The following SMARCC2 variants were observed in gnomAD, a reference collection of about 807,000 sequenced individuals.
SMARCC2 encodes the protein SWI/SNF complex subunit SMARCC2.
SMARCC2 carries 15 observed loss-of-function variants against 151.3 expected under a neutral mutation model. That is an observed-to-expected ratio of 0.10 (90% CI 0.07 to 0.15). The LOEUF (loss-of-function observed/expected upper bound fraction) is 0.15. SMARCC2 is among the 10% of genes least tolerant of loss of function. The pLI is 1.00. For synonymous variants in SMARCC2, 590 were observed against 609.5 expected (o/e 0.97, Z 0.47); for missense variants, 1,031 against 1,599.7 (o/e 0.64, Z 6.06).
rs532622741 is a variant in SMARCC2, at chr12:56,168,813, C to A, written c.2716-619G>T. ...GGGGCAACAGGGTGAAACCCCATCT[C>A]TGCTAAAAATACAAAAATTAACCGG... On this transcript the variant is annotated intron_variant, in intron 25 of 28. Coordinates refer to ENST00000550164, the MANE Select transcript of SMARCC2 (RefSeq NM_001330288.2). Among the ~76,000 whole-genome samples, 77 of 152,220 alleles carry A rather than the reference C, an allele frequency of 5.1e-4. 1 individual carries two copies. The highest frequency in any genetic ancestry group is 1.8e-3 in the East Asian group (9 of 5,126).
intron 26 of SMARCC2, among the ~76,000 whole-genome samples, 189 bp downstream of exon 26, chr12:56,167,871 T>C (rs1873100752): frequency 6.8e-6 from 1 of 146,238 alleles, no homozygotes; most frequent in African/African-American, 2.8e-5. Context: ...TTCCCCACTG[T>C]TGCTTATCTT....
At chr12:56,175,720 A>G (rs894090245) in intron 15 of SMARCC2, among the ~76,000 whole-genome samples, 1 of 152,184 alleles carries the variant, frequency 6.6e-6, no homozygotes, top group Non-Finnish European at 1.5e-5. Flanking sequence ...TGACTCCTCT[A>G]TACCCTATCT....
Position 56,168,210 on chromosome 12 carries a change from C to A in SMARCC2, c.2716-16G>T. ...CAGCCAAGTGCTAGGGAAGGAGGGG[C>A]GAGACAGCACATCAGTGGGAGGACC... On this transcript the variant is annotated splice_polypyrimidine_tract_variant and intron_variant, in intron 25 of 28. Transcript: ENST00000550164. 2 of 1,613,626 alleles carry A rather than the reference C, an allele frequency of 1.2e-6. No individual in the cohort carries two copies. The highest frequency in any genetic ancestry group is 1.7e-6 in the Non-Finnish European group (2 of 1,179,816).
intron 11 of SMARCC2, 91 bp downstream of exon 11, chr12:56,180,886 G>A: frequency 3.0e-6 from 4 of 1,322,786 alleles, no homozygotes; most frequent in Middle Eastern, 2.3e-4. Flanking sequence ...ACTGGGAGGT[G>A]GACCTGAGAA....
chr12:56,183,652 C>T, intron 7 of SMARCC2: 1 of 478,110 alleles, frequency 2.1e-6, no homozygotes, highest in Non-Finnish European at 3.8e-6. Context: ...ATAATCAATT[C>T]ACACATAAAG....
At chr12:56,169,222 G>A (rs1232553750) in intron 25 of SMARCC2, among the ~76,000 whole-genome samples, 2 of 152,152 alleles carry the variant, frequency 1.3e-5, no homozygotes, top group African/African-American at 2.4e-5. Context: ...TTGAACTTGG[G>A]AGGTGGAGGC....
intron 27 of SMARCC2, 34 bp downstream of exon 27, chr12:56,165,284 C>T: frequency 6.8e-7 from 1 of 1,467,032 alleles, no homozygotes; most frequent in Non-Finnish European, 9.0e-7. Flanking sequence ...CTGGATTCCT[C>T]TAGCCAACAA....
rs199945584 is a variant in SMARCC2, at chr12:56,178,369, A to C, written c.1310+35T>G. The stretch of plus-strand genomic sequence containing the variant: ...CCTGTTGACCCCTGGAGGCAGGGAA[A>C]TAAGGACTCAGTGAGAAGTTGGGGA... On this transcript the variant is annotated intron_variant, in intron 14 of 28. Coordinates refer to ENST00000550164, the MANE Select transcript of SMARCC2 (RefSeq NM_001330288.2). 29 of 1,613,294 alleles carry C rather than the reference A, an allele frequency of 1.8e-5. No individual in the cohort carries two copies. In the Middle Eastern group the frequency reaches 1.3e-3, roughly 73 times the overall value.
chr12:56,172,741 G>A lies in SMARCC2; in HGVS notation c.1744-37C>T, dbSNP rs557458525. ...GGGAAAGAAACAGGTGAGTACAAGT[G>A]ACCACCGGGAGCCAGGGGCTGACAG... On this transcript the variant is annotated intron_variant, in intron 18 of 28. Coordinates refer to ENST00000550164, the MANE Select transcript of SMARCC2 (RefSeq NM_001330288.2). 3.0e-5 allele frequency: 48 copies of A among 1,611,608 alleles called. 1 individual carries two copies. In the South Asian group the frequency reaches 4.4e-4, roughly 15 times the overall value.
In SMARCC2 at chr12:56,165,502, G is replaced by A; in HGVS notation, c.3048C>T (p.Gly1016=). Residue 1016 remains glycine (G), a synonymous_variant, in exon 27 of 29, where the codon GGC becomes GGT. Coordinates refer to ENST00000550164, the MANE Select transcript of SMARCC2 (RefSeq NM_001330288.2). The part of the protein sequence containing the change: ...TGAAGPPAVH[G]LAVAPASVVP... ...CTACAGAGGCTGGAGCCACAGCCAA[G>A]CCATGGACTGCGGGTGGCCCAGCAG... 4 of 1,592,470 alleles carry A rather than the reference G, an allele frequency of 2.5e-6. No homozygotes were observed. Among genetic ancestry groups the A allele is most frequent in the South Asian group, 1.1e-5 (1 of 87,984 alleles).
rs532383144 is a variant in SMARCC2, at chr12:56,173,680, T to C, written c.1650+16A>G. On this transcript the variant is annotated intron_variant, in intron 17 of 28. Transcript: ENST00000550164. The stretch of plus-strand genomic sequence containing the variant: ...ATCTTCCCAACCCGCCCCATCCCCA[T>C]AGCACCTCACCCTACCTGAGGTGTC... 88 of 1,337,258 alleles carry C rather than the reference T, an allele frequency of 6.6e-5. No homozygotes were observed. Among genetic ancestry groups the C allele is most frequent in the Non-Finnish European group, 7.8e-5 (74 of 952,790 alleles). The allele number at this position is 1,337,258 out of a possible 1,614,324, so 82.8% of individuals were successfully genotyped here.
chr12:56,165,575 G>GGCT lies in SMARCC2; in HGVS notation c.2972_2974dup (p.Gln991dup). The GGCT allele has an allele frequency of 6.2e-7, 1 of 1,613,580 alleles. No individual in the cohort carries two copies. The highest frequency in any genetic ancestry group is 1.3e-5 in the African/African-American group (1 of 75,058). ...GGAGCCTGGGGGCAGGGCTGGTGGTGGCTGCTGCTGCTGTTGGTGCATCTG... is the reference window on the plus strand; with the variant it reads ...GGAGCCTGGGGGCAGGGCTGGTGGTGGCTGCTGCTGCTGCTGTTGGTGCATCTG... On this transcript the variant is annotated inframe_insertion, in exon 27 of 29. Coordinates refer to ENST00000550164, the MANE Select transcript of SMARCC2 (RefSeq NM_001330288.2).
chr12:56,170,290 G>C, intron 22 of SMARCC2, 82 bp from the exon 23 acceptor site: 1 of 1,250,186 alleles, frequency 8.0e-7, no homozygotes, highest in Non-Finnish European at 1.1e-6. Context: ...TTTTTTTAGA[G>C]ACAGGGTCTT....
In SMARCC2 at chr12:56,181,571, C is replaced by A; in HGVS notation, c.867G>T (p.Arg289=). The change falls in exon 10 of 29, where the codon CGG becomes CGT. Residue 289 remains arginine, a synonymous_variant. Transcript: ENST00000550164. ...DEVNSPDSDR[R]DKKGGNYKKR... Reference sequence around the variant, plus strand: ...TCTTATAGTTTCCCCCCTTCTTGTCCCGTCGATCTGAATCTGGGCTGTTCA... The same window carrying A: ...TCTTATAGTTTCCCCCCTTCTTGTCACGTCGATCTGAATCTGGGCTGTTCA... The A allele has an allele frequency of 6.3e-7, 1 of 1,593,728 alleles. No homozygotes were observed. Among genetic ancestry groups the A allele is most frequent in the Non-Finnish European group, 8.5e-7 (1 of 1,169,928 alleles).
chr12:56,167,527 C>T (rs560100858), intron 26 of SMARCC2, among the ~76,000 whole-genome samples: 2 of 152,158 alleles, frequency 1.3e-5, no homozygotes, highest in South Asian at 2.1e-4. Flanking sequence ...CTTTTTATGT[C>T]CTCCAAAGAC....
At position 56,171,022 on chromosome 12, in the gene SMARCC2, C is replaced by T. The variant is rs778205740; in HGVS notation, c.2347+249G>A. ...CTGAGATTACAGGCATGAGCCACTGCGCCCGGCCTTCACAAGACTTTTCTA... is the reference window on the plus strand; with the variant it reads ...CTGAGATTACAGGCATGAGCCACTGTGCCCGGCCTTCACAAGACTTTTCTA... On this transcript the variant is annotated intron_variant, in intron 22 of 28. Transcript: ENST00000550164. This position sits in a 1 kb window ranked among gnomAD's most constrained non-coding sequence, Gnocchi z 4.2. 8.5e-5 allele frequency among the ~76,000 whole-genome samples: 13 copies of T among 152,164 alleles called. No homozygotes were observed. Among genetic ancestry groups the T allele is most frequent in the African/African-American group, 1.4e-4 (6 of 41,442 alleles).
At position 56,164,657 on chromosome 12, in the gene SMARCC2, C is replaced by G. The variant is rs1329985083; in HGVS notation, c.3307G>C (p.Gly1103Arg). Residue 1103 changes from glycine to arginine, a missense_variant, in exon 28 of 29, where the codon GGC (glycine) becomes CGC (arginine). Around this residue, in one of 12 missense-constraint regions of SMARCC2, gnomAD observed 310 missense variants for 350.0 expected, o/e 0.89. Coordinates refer to ENST00000550164, the MANE Select transcript of SMARCC2 (RefSeq NM_001330288.2). The stretch of plus-strand genomic sequence containing the variant: ...CCCAAAGGAGCATTACCCGCCACGC[C>G]TGGGTGCCCGCTGCCTGGCACTGCC... The part of the protein sequence containing the change: ...PGAVPGSGHP[G>R]VAGNAPLGLP... 2 of 1,612,554 alleles carry G rather than the reference C, an allele frequency of 1.2e-6. No homozygotes were observed. Among genetic ancestry groups the G allele is most frequent in the Non-Finnish European group, 1.7e-6 (2 of 1,179,354 alleles).
At chr12:56,178,738 T>G in intron 13 of SMARCC2, 72 bp downstream of exon 13, 1 of 1,538,084 alleles carries the variant, frequency 6.5e-7, no homozygotes, top group Non-Finnish European at 9.0e-7. Flanking sequence ...GTGAAAAGTT[T>G]GGGCAGAATG....
chr12:56,169,731 T>TTCACC, intron 24 of SMARCC2, 36 bp from the exon 25 acceptor site: 1 of 1,614,010 alleles, frequency 6.2e-7, no homozygotes, highest in Non-Finnish European at 8.5e-7. Context: ...GCCCCACAGC[T>TTCACC]TCACCTCTGT....
Sources: allele counts gnomAD v4.1 joint callset (sites outside exome capture counted in the v4.1 genomes callset), GRCh38; gene constraint gnomAD v4.1.1; regional missense constraint gnomAD v4.1.1; non-coding constraint Gnocchi (gnomAD v3.1); transcripts MANE v1.5; gene names NCBI Gene and HGNC (gene_info 2026-07-23, HGNC 2026-07-21).